IKZF4: variants seen among roughly 807,000 people sequenced by gnomAD.
The protein encoded by IKZF4 is IKAROS family zinc finger 4.
A neutral mutation model predicts 47.7 loss-of-function variants in IKZF4; 11 were observed. The ratio of observed to expected loss-of-function variants is 0.23; its 90% CI spans 0.15 to 0.38. IKZF4 has a LOEUF of 0.38. IKZF4 is among the 10% of genes least tolerant of loss of function. The pLI, the probability that IKZF4 is intolerant of heterozygous loss-of-function variation, is 1.00. For synonymous variants in IKZF4, 298 were observed against 299.4 expected (o/e 1.00, Z 0.05); for missense variants, 557 against 784.9 (o/e 0.71, Z 3.47).
chr12:56,017,146 C>T (rs1298841603), upstream of IKZF4, among the ~76,000 whole-genome samples: 4 of 151,566 alleles, frequency 2.6e-5, no homozygotes, highest in Admixed American at 2.0e-4. Context: ...TCTCAGTTCC[C>T]GATTGTTTAA....
intron 7 of IKZF4, 83 bp from the exon 8 acceptor site, chr12:56,034,488 C>G: frequency 7.1e-7 from 1 of 1,402,782 alleles, no homozygotes; most frequent in Non-Finnish European, 9.7e-7. Context: ...CCCAGCCCCA[C>G]AGGTAAAAAA....
chr12:56,020,915 G>T, upstream of IKZF4: 2 of 993,650 alleles, frequency 2.0e-6, no homozygotes, highest in Non-Finnish European at 2.4e-6. Context: ...GAAGCTGTCC[G>T]TGTCCTGGGC....
At chr12:56,017,986 TA>T, upstream of IKZF4, 1 of 441,502 alleles carries the variant, frequency 2.3e-6, no homozygotes, top group Non-Finnish European at 4.0e-6. Flanking sequence ...AGTGCCTGGC[TA>T]AGGTTTTTCT....
Position 56,035,955 on chromosome 12 carries a change from T to C in IKZF4, c.*624T>C, listed in dbSNP as rs957482829. ...AATGAATGAAGAATTATTTCCTCAT[T>C]TGGAAGTAGGAGGGACTGAAGAAAT... On this transcript the variant is annotated 3_prime_UTR_variant, in exon 8 of 8. Transcript: ENST00000547167. The surrounding 1 kb of genome is among the most constrained non-coding windows in gnomAD (Gnocchi z 6.1). The C allele has an allele frequency of 2.0e-4, 30 of 152,614 alleles. No homozygotes were observed. The highest frequency in any genetic ancestry group is 2.1e-4 in the Non-Finnish European group (14 of 68,080). The allele number at this position is 152,614 out of a possible 1,614,324, so 9.5% of individuals were successfully genotyped here.
intron 2 of IKZF4, among the ~76,000 whole-genome samples, chr12:56,012,823 C>G (rs1221409469): frequency 2.6e-5 from 4 of 152,120 alleles, no homozygotes; most frequent in Non-Finnish European, 4.4e-5. Flanking sequence ...TGGATTCAAA[C>G]AAATGGGGAA....
chr12:56,035,310 G>T lies in IKZF4; in HGVS notation c.1737G>T (p.Arg579=). The change falls in exon 8 of 8, where the codon CGG becomes CGT. Residue 579 remains arginine, a synonymous_variant. Transcript: ENST00000547167. This position sits in a 1 kb window ranked among gnomAD's most constrained non-coding sequence, Gnocchi z 6.1. ...ACGAATTCTCTTCCCACATTGTCCG[G>T]GGGGAGCATAAGGTGGGCTAGCAAC... is the stretch of plus-strand genomic sequence containing the variant. The part of the protein sequence containing the change: ...DRYEFSSHIV[R]GEHKVG 1 of 1,612,274 alleles carries T rather than the reference G, an allele frequency of 6.2e-7. No individual in the cohort carries two copies. The highest frequency in any genetic ancestry group is 8.5e-7 in the Non-Finnish European group (1 of 1,178,840).
At chr12:56,013,649 T>C (rs1267056487) in intron 2 of IKZF4, among the ~76,000 whole-genome samples, 1 of 152,202 alleles carries the variant, frequency 6.6e-6, no homozygotes, top group Non-Finnish European at 1.5e-5. Context: ...AAGGAGACGC[T>C]AAGATCTGCC....
rs1331515098 is a variant in IKZF4 at position 56,035,174 on chromosome 12, A to C, written c.1601A>C (p.His534Pro). The C allele has an allele frequency of 2.5e-6, 4 of 1,614,108 alleles. No individual in the cohort carries two copies. The Admixed American group carries it at 6.7e-5, about 27-fold the overall frequency. ...CCTGTGAAGGCCTTCAAGTGTGAGC[A>C]CTGCCGTATCCTCTTCCTGGACCAC... Reference protein sequence around the residue: ...GEPVKAFKCEHCRILFLDHVM... With the variant: ...GEPVKAFKCEPCRILFLDHVM... The change falls in exon 8 of 8, where the codon CAC becomes CCC. Residue 534 changes from histidine to proline, a missense_variant. Coordinates refer to ENST00000547167, the MANE Select transcript of IKZF4 (RefSeq NM_022465.4). This position sits in a 1 kb window ranked among gnomAD's most constrained non-coding sequence, Gnocchi z 6.1.
chr12:56,035,673 C>A lies in IKZF4; in HGVS notation c.*342C>A. ...CCACCCTCCTGTCCACAACTCCTTT[C>A]CACTTTAGGCCAATTTTTCTCTCTT... On this transcript the variant is annotated 3_prime_UTR_variant, in exon 8 of 8. Transcript: ENST00000547167. This position sits in a 1 kb window ranked among gnomAD's most constrained non-coding sequence, Gnocchi z 6.1. 5.0e-6 allele frequency: 1 copy of A among 201,242 alleles called. No individual in the cohort carries two copies. Among genetic ancestry groups the A allele is most frequent in the South Asian group, 1.2e-4 (1 of 8,562 alleles). 12.5% of individuals were successfully genotyped at this position (201,242 alleles called of 1,614,324 possible). A position where few individuals can be genotyped will look rare whatever the true frequency, so the allele number is the denominator to read the frequency against.
rs1892894902 is a variant in IKZF4, at chr12:56,021,294, T to TCAAA, written c.-198_-197insAACA. 2 of 1,140,138 alleles carry TCAAA rather than the reference T, an allele frequency of 1.8e-6. No individual in the cohort carries two copies. Among genetic ancestry groups the TCAAA allele is most frequent in the Non-Finnish European group, 1.2e-6 (1 of 838,368 alleles). The allele number at this position is 1,140,138 out of a possible 1,614,324, so 70.6% of individuals were successfully genotyped here. On this transcript the variant is annotated 5_prime_UTR_variant, in exon 1 of 8. Coordinates refer to ENST00000547167, the MANE Select transcript of IKZF4 (RefSeq NM_022465.4). ...CTCTCCCTCTCTCTCTCTCTCTCTC[T>TCAAA]CACACACACACACACACACACACTC... is the stretch of plus-strand genomic sequence containing the variant.
rs746507130 is a variant in IKZF4, at chr12:56,032,655, C to T, written c.810C>T (p.Cys270=). ...CCCTGGAGGAGCACAAGGAGCGGTG[C>T]CATAACTACCTACAGAGTCTCAGCA... ...QSTLEEHKER[C]HNYLQSLSTE... Residue 270 remains cysteine, a synonymous_variant, in exon 6 of 8, where the codon TGC becomes TGT. Transcript: ENST00000547167. 19 of 1,613,910 alleles carry T rather than the reference C, an allele frequency of 1.2e-5. No homozygotes were observed. The highest frequency in any genetic ancestry group is 1.4e-5 in the Non-Finnish European group (17 of 1,179,898).
At chr12:56,012,344 G>A (rs1306212421) in intron 2 of IKZF4, among the ~76,000 whole-genome samples, 2 of 147,210 alleles carry the variant, frequency 1.4e-5, no homozygotes, top group Non-Finnish European at 3.0e-5. Flanking sequence ...GCCCGATCTC[G>A]GCTCACTGCA....
chr12:56,019,398 A>AT, upstream of IKZF4: 1 of 983,252 alleles, frequency 1.0e-6, no homozygotes, highest in Non-Finnish European at 1.2e-6. Flanking sequence ...GTCATTGGCA[A>AT]CACCCGGGTA....
upstream of IKZF4, among the ~76,000 whole-genome samples, chr12:56,020,103 C>G (rs547472948): frequency 6.6e-6 from 1 of 152,354 alleles, no homozygotes; most frequent in Non-Finnish European, 1.5e-5. Flanking sequence ...GCAGCCCTCC[C>G]GAAGCACACT....
intron 5 of IKZF4, 110 bp downstream of exon 5, chr12:56,028,057 G>C (rs926054098): frequency 5.7e-6 from 7 of 1,234,274 alleles, no homozygotes; most frequent in African/African-American, 1.6e-5. Flanking sequence ...CATTGAGGAG[G>C]GGGGAGCATT....
At chr12:56,023,588 G>T in intron 1 of IKZF4, 83 bp from the exon 2 acceptor site, 1 of 1,489,688 alleles carries the variant, frequency 6.7e-7, no homozygotes, top group Non-Finnish European at 9.1e-7. Context: ...GGATAGAATG[G>T]GGAAAATGGG....
At chr12:56,018,302 T>C (rs1180332634), upstream of IKZF4, 2 of 590,650 alleles carry the variant, frequency 3.4e-6, no homozygotes, top group Non-Finnish European at 5.4e-6. Flanking sequence ...CTAACACTCA[T>C]GCTTGGTGGC....
At chr12:56,023,529 C>A (rs1893428152) in intron 1 of IKZF4, 142 bp from the exon 2 acceptor site, 1 of 1,036,666 alleles carries the variant, frequency 9.6e-7, no homozygotes, top group Non-Finnish European at 1.4e-6. Flanking sequence ...AGATTCAAGC[C>A]ATAAGGCTTT....
intron 1 of IKZF4, among the ~76,000 whole-genome samples, chr12:56,010,919 C>T (rs138700690): frequency 1.3e-3 from 191 of 152,296 alleles, no homozygotes; most frequent in African/African-American, 4.4e-3. Flanking sequence ...CTGAAAACAT[C>T]TTTCTGGCCC....
Sources: allele counts gnomAD v4.1 joint callset (sites outside exome capture counted in the v4.1 genomes callset), GRCh38; gene constraint gnomAD v4.1.1; non-coding constraint Gnocchi (gnomAD v3.1); transcripts MANE v1.5; gene names NCBI Gene and HGNC (gene_info 2026-07-23, HGNC 2026-07-21).